The following MBNL1 variants were observed in gnomAD, a reference collection of about 807,000 sequenced individuals.
The protein encoded by MBNL1 is muscleblind like splicing regulator 1, also known as muscleblind-like protein 1.
A neutral mutation model predicts 42.2 loss-of-function variants in MBNL1; 8 were observed. That is an observed-to-expected ratio of 0.19 (90% CI 0.11 to 0.34). The LOEUF (loss-of-function observed/expected upper bound fraction) is 0.34, where lower values mean the gene tolerates loss of function less well. Ranked by LOEUF, MBNL1 falls within the 10% of genes least tolerant of loss-of-function variation. The probability of loss-of-function intolerance (pLI) is 1.00; values close to 1 mark genes in which losing one functional copy is unlikely to be tolerated. For missense variants in MBNL1, 309 were observed against 495.3 expected, an observed-to-expected ratio of 0.62 and a Z score of 3.57; for synonymous variants, 169 against 173.9, an observed-to-expected ratio of 0.97 and a Z score of 0.22.
chr3:152,330,554 T>G (rs2083656284), intron 2 of MBNL1, among the ~76,000 whole-genome samples: 1 of 152,178 alleles, frequency 6.6e-6, no homozygotes, highest in South Asian at 2.1e-4. Context: ...TATTATTTGC[T>G]ATAACGACAT....
rs143861934 is a variant in MBNL1 at position 152,299,281 on chromosome 3, GGAGA to G, written c.-789-112_-789-109del. 9 of 158,020 alleles carry G rather than the reference GGAGA, an allele frequency of 5.7e-5. No individual in the cohort carries two copies. In the East Asian group the frequency reaches 9.1e-4, roughly 16 times the overall value. 9.8% of individuals were successfully genotyped at this position (158,020 alleles called of 1,614,324 possible). On this transcript the variant is annotated intron_variant, in intron 1 of 9. Coordinates refer to ENST00000324210, the MANE Select transcript of MBNL1 (RefSeq NM_021038.5). ...TAAGTATTTTGTGTATGTATGTGTG[GGAGA>G]GAGAGAGAGAGGCTGACTTGAATAT... is the stretch of plus-strand genomic sequence containing the variant.
chr3:152,282,346 G>C (rs1315304124), intron 1 of MBNL1, among the ~76,000 whole-genome samples: 1 of 151,588 alleles, frequency 6.6e-6, no homozygotes, highest in Non-Finnish European at 1.5e-5. Flanking sequence ...TTAGGGACAT[G>C]TGTGTGTGTG....
chr3:152,329,139 C>T (rs1205845942), intron 2 of MBNL1, among the ~76,000 whole-genome samples: 1 of 151,936 alleles, frequency 6.6e-6, no homozygotes, highest in East Asian at 1.9e-4. Context: ...ACTGGAAGTG[C>T]TAGGGCTAAA....
chr3:152,311,393 A>T (rs868144063), intron 2 of MBNL1, among the ~76,000 whole-genome samples: 2 of 152,200 alleles, frequency 1.3e-5, no homozygotes, highest in South Asian at 4.1e-4. Flanking sequence ...TATGCCTAGT[A>T]AGACAGAAAT....
rs2078496185 is a variant in MBNL1, at chr3:152,324,785, T to C, written c.174+24418T>C. On this transcript the variant is annotated intron_variant, in intron 2 of 9. Coordinates refer to ENST00000324210, the MANE Select transcript of MBNL1 (RefSeq NM_021038.5). ...TTAGCTTTTCTGTGCCCAAATGTCC[T>C]TATCTGTAAGACGGGGATGATAATA... Among the ~76,000 whole-genome samples the C allele has an allele frequency of 2.0e-5, 3 of 152,230 alleles. 1 individual carries two copies. The East Asian group carries it at 5.8e-4, about 29-fold the overall frequency.
intron 2 of MBNL1, among the ~76,000 whole-genome samples, chr3:152,389,150 G>T (rs528306204): frequency 2.0e-5 from 3 of 151,930 alleles, no homozygotes; most frequent in African/African-American, 7.3e-5. Context: ...GTGCAGTGGC[G>T]TGATCTCGGC....
At chr3:152,245,886 G>A (rs1046571224) in intron 2 of MBNL1, among the ~76,000 whole-genome samples, 9 of 152,074 alleles carry the variant, frequency 5.9e-5, no homozygotes, top group African/African-American at 1.7e-4. Context: ...TTAGAAATCC[G>A]TTACAATTGT....
intron 2 of MBNL1, among the ~76,000 whole-genome samples, chr3:152,408,119 C>T (rs1230804879): frequency 6.6e-6 from 1 of 152,078 alleles, no homozygotes; most frequent in Non-Finnish European, 1.5e-5. Flanking sequence ...CAAACCTTCA[C>T]ATCCTGCACA....
chr3:152,316,196 AG>A (rs2071262891), intron 2 of MBNL1, among the ~76,000 whole-genome samples: 1 of 152,200 alleles, frequency 6.6e-6, no homozygotes, highest in African/African-American at 2.4e-5. Flanking sequence ...TTGAAGAATG[AG>A]GGAGCATAAA....
At chr3:152,414,124 G>T (rs896983143) in intron 2 of MBNL1, among the ~76,000 whole-genome samples, 14 of 152,168 alleles carry the variant, frequency 9.2e-5, no homozygotes, top group Admixed American at 5.2e-4. Context: ...GGTCTGGATG[G>T]TATATATTCA....
chr3:152,392,404 G>A (rs1376737743), intron 2 of MBNL1, among the ~76,000 whole-genome samples: 1 of 152,102 alleles, frequency 6.6e-6, no homozygotes, highest in Non-Finnish European at 1.5e-5. Flanking sequence ...AACAAATTGA[G>A]CCTTTTGTAC....
chr3:152,272,797 T>C (rs919815040), intron 1 of MBNL1, among the ~76,000 whole-genome samples: 2 of 152,220 alleles, frequency 1.3e-5, no homozygotes, highest in African/African-American at 4.8e-5. Flanking sequence ...GGCATCTGAC[T>C]GGTAAACAAA....
At chr3:152,421,972 A>C (rs1403282156) in intron 3 of MBNL1, among the ~76,000 whole-genome samples, 1 of 152,184 alleles carries the variant, frequency 6.6e-6, no homozygotes, top group African/African-American at 2.4e-5. Flanking sequence ...CCACTAAAAA[A>C]AAAAATACCA....
At chr3:152,459,897 A>C in intron 9 of MBNL1, among the ~76,000 whole-genome samples, 1 of 125,486 alleles carries the variant, frequency 8.0e-6, no homozygotes, top group Non-Finnish European at 1.8e-5. Flanking sequence ...TCTTTGGCTA[A>C]ACCTTAAATG....
At chr3:152,438,396 C>T (rs1287802004) in intron 4 of MBNL1, among the ~76,000 whole-genome samples, 1 of 152,178 alleles carries the variant, frequency 6.6e-6, no homozygotes, top group Non-Finnish European at 1.5e-5. Flanking sequence ...TAATTAAACA[C>T]AGAAAGATAC....
intron 2 of MBNL1, among the ~76,000 whole-genome samples, chr3:152,390,574 T>G (rs1204495978): frequency 6.6e-6 from 1 of 151,678 alleles, no homozygotes; most frequent in Non-Finnish European, 1.5e-5. Flanking sequence ...CAATCATTTA[T>G]TATCATGTAT....
At chr3:152,289,575 A>G (rs1273545817) in intron 1 of MBNL1, among the ~76,000 whole-genome samples, 2 of 151,984 alleles carry the variant, frequency 1.3e-5, no homozygotes, top group Non-Finnish European at 2.9e-5. Context: ...GCATATGTGA[A>G]TTTGTTATTT....
In MBNL1 at chr3:152,250,087, T is replaced by G. The variant is rs1367033088; in HGVS notation, n.333+5647T>G. Reference sequence around the variant, plus strand: ...AGCTTTGTTCTTTTGGCTTAGGATTTACTTGGCGATGCGGGCTCTTTTTTG... The same window carrying G: ...AGCTTTGTTCTTTTGGCTTAGGATTGACTTGGCGATGCGGGCTCTTTTTTG... On this transcript the variant is annotated intron_variant and non_coding_transcript_variant, in intron 2 of 2. Transcript: ENST00000477171. Among the ~76,000 whole-genome samples the G allele has an allele frequency of 3.9e-4, 60 of 152,114 alleles. 1 individual carries two copies. In the South Asian group the frequency reaches 4.2e-3, roughly 11 times the overall value.
chr3:152,406,365 A>G (rs1445512080), intron 2 of MBNL1, among the ~76,000 whole-genome samples: 2 of 152,252 alleles, frequency 1.3e-5, no homozygotes, highest in East Asian at 1.9e-4. Context: ...AGATTTCTTC[A>G]GATGACTATC....
Sources: gnomAD v4.1 joint callset for allele counts (sites outside exome capture counted in the v4.1 genomes callset) on GRCh38, gnomAD v4.1.1 for gene constraint, MANE v1.5 for transcripts, NCBI Gene and HGNC (gene_info 2026-07-23, HGNC 2026-07-21) for gene names.